SGCZ: variants seen among roughly 807,000 people sequenced by gnomAD.
The protein encoded by SGCZ is sarcoglycan zeta, also known as zeta-sarcoglycan.
Under a neutral mutation model 41.3 loss-of-function variants are expected in SGCZ, and 40 were observed. That is an observed-to-expected ratio of 0.97 (90% CI 0.75 to 1.26). The LOEUF (loss-of-function observed/expected upper bound fraction) is 1.26, where lower values mean the gene tolerates loss of function less well. Among genes scored for constraint, SGCZ ranks in the 50% most tolerant of loss-of-function variants. SGCZ has a pLI of 0.00. For missense variants in SGCZ, 552 were observed against 369.8 expected (o/e 1.49, Z -4.04); for synonymous variants, 206 against 137.5 (o/e 1.50, Z -3.49).
At chr8:14,634,271 G>T (rs1806755035) in intron 1 of SGCZ, among the ~76,000 whole-genome samples, 1 of 151,630 alleles carries the variant, frequency 6.6e-6, no homozygotes, top group Non-Finnish European at 1.5e-5. Context: ...TTGAATTGGG[G>T]GGAAAACAGC....
At chr8:14,868,368 G>C (rs1804010151) in intron 1 of SGCZ, among the ~76,000 whole-genome samples, 1 of 152,042 alleles carries the variant, frequency 6.6e-6, no homozygotes, top group South Asian at 2.1e-4. Flanking sequence ...TAAGCCACCA[G>C]TACAGCCACC....
At chr8:14,596,857 G>T (rs577092037) in intron 1 of SGCZ, among the ~76,000 whole-genome samples, 4 of 152,014 alleles carry the variant, frequency 2.6e-5, no homozygotes, top group Admixed American at 2.0e-4. Flanking sequence ...TAAAGAAACA[G>T]AATTTTTTTA....
At chr8:14,277,715 T>C (rs1341900757) in intron 3 of SGCZ, among the ~76,000 whole-genome samples, 2 of 152,132 alleles carry the variant, frequency 1.3e-5, no homozygotes, top group Non-Finnish European at 2.9e-5. Flanking sequence ...ACATAGAAGC[T>C]GCCTAACTTC....
Position 14,191,338 on chromosome 8 carries a change from T to G in SGCZ, c.425-26636A>C, listed in dbSNP as rs184042090. Among the ~76,000 whole-genome samples, 130 of 152,340 alleles carry G rather than the reference T, an allele frequency of 8.5e-4. 2 individuals carry two copies. In the East Asian group the frequency reaches 0.021, roughly 25 times the overall value. ...TTTGCTGTGTTGAAAGTTTTTAGTT[T>G]GATACAACCTCACTTATTTTTGCTT... On this transcript the variant is annotated intron_variant, in intron 4 of 7. Coordinates refer to ENST00000382080, the MANE Select transcript of SGCZ (RefSeq NM_139167.4).
At chr8:14,337,925 G>A (rs1802559019) in intron 2 of SGCZ, among the ~76,000 whole-genome samples, 1 of 152,146 alleles carries the variant, frequency 6.6e-6, no homozygotes, top group Non-Finnish European at 1.5e-5. Flanking sequence ...GAGGGGCCAG[G>A]TCAGAGGGAC....
At chr8:15,029,411 T>C (rs778742862) in intron 1 of SGCZ, among the ~76,000 whole-genome samples, 1 of 152,040 alleles carries the variant, frequency 6.6e-6, no homozygotes, top group Non-Finnish European at 1.5e-5. Context: ...CTGGATATTG[T>C]GTGTGTGCAT....
intron 1 of SGCZ, among the ~76,000 whole-genome samples, chr8:14,837,155 C>T (rs563992806): frequency 2.6e-5 from 4 of 152,104 alleles, no homozygotes; most frequent in Non-Finnish European, 4.4e-5. Context: ...AATCATGGAG[C>T]TTTCTCTCCT....
intron 2 of SGCZ, among the ~76,000 whole-genome samples, chr8:14,450,329 C>A (rs1006016109): frequency 6.6e-6 from 1 of 152,184 alleles, no homozygotes; most frequent in Non-Finnish European, 1.5e-5. Flanking sequence ...TTGCGGTATG[C>A]ATATACGTGT....
At chr8:15,025,930 C>T (rs1803441505) in intron 1 of SGCZ, among the ~76,000 whole-genome samples, 1 of 152,046 alleles carries the variant, frequency 6.6e-6, no homozygotes, top group Admixed American at 6.6e-5. Flanking sequence ...CATATATAAA[C>T]TTTACCTGTT....
At chr8:14,503,636 C>T (rs753206954) in intron 2 of SGCZ, among the ~76,000 whole-genome samples, 9 of 151,818 alleles carry the variant, frequency 5.9e-5, no homozygotes, top group South Asian at 2.1e-4. Flanking sequence ...GGCGTGGTGG[C>T]CTGTGCCTGT....
At chr8:15,072,592 T>A (rs560182012) in intron 1 of SGCZ, among the ~76,000 whole-genome samples, 2 of 152,244 alleles carry the variant, frequency 1.3e-5, no homozygotes, top group South Asian at 4.1e-4. Context: ...AGAAATTGGA[T>A]ATAGAACATT....
intron 1 of SGCZ, among the ~76,000 whole-genome samples, chr8:14,665,287 T>G (rs1703707731): frequency 2.0e-5 from 3 of 152,152 alleles, no homozygotes; most frequent in South Asian, 4.1e-4. Flanking sequence ...CTTGTGATAG[T>G]TTGCTGAGAA....
intron 1 of SGCZ, among the ~76,000 whole-genome samples, chr8:14,759,985 T>C (rs1006502470): frequency 1.3e-5 from 2 of 152,204 alleles, no homozygotes; most frequent in Non-Finnish European, 2.9e-5. Flanking sequence ...AAGGAAAACA[T>C]TTAGCTATTG....
chr8:15,082,555 G>A lies in SGCZ; in HGVS notation c.39+155030C>T, dbSNP rs145190189. Among the ~76,000 whole-genome samples, 481 of 152,134 alleles carry A rather than the reference G, an allele frequency of 3.2e-3. 4 individuals are homozygous for A. The highest frequency in any genetic ancestry group is 9.3e-3 in the African/African-American group (386 of 41,518). ...ACAAAATCCATGCAAAGGTCAGAAA[G>A]ACTGAGATCTCTTTTTTCATTCTTG... On this transcript the variant is annotated intron_variant, in intron 1 of 7. Transcript: ENST00000382080.
chr8:14,256,647 G>C (rs868572466), intron 3 of SGCZ, among the ~76,000 whole-genome samples: 4 of 152,092 alleles, frequency 2.6e-5, no homozygotes, highest in Middle Eastern at 3.2e-3. Flanking sequence ...GAAAGATGTA[G>C]TTTACCATAA....
chr8:15,139,459 T>A (rs1211730862), intron 1 of SGCZ, among the ~76,000 whole-genome samples: 1 of 152,206 alleles, frequency 6.6e-6, no homozygotes, highest in Non-Finnish European at 1.5e-5. Flanking sequence ...ATTACCTATA[T>A]TAAAAGTATC....
chr8:14,658,004 A>T (rs904966661), intron 1 of SGCZ, among the ~76,000 whole-genome samples: 8 of 152,170 alleles, frequency 5.3e-5, no homozygotes, highest in African/African-American at 1.9e-4. Flanking sequence ...AATCTAATTT[A>T]AAAAAAGGAA....
At chr8:14,350,461 G>T (rs1803047988) in intron 2 of SGCZ, among the ~76,000 whole-genome samples, 1 of 152,102 alleles carries the variant, frequency 6.6e-6, no homozygotes, top group Admixed American at 6.6e-5. Flanking sequence ...CATTTCCCAT[G>T]CTATCAGGAG....
At chr8:15,122,675 A>G (rs1212585755) in intron 1 of SGCZ, among the ~76,000 whole-genome samples, 1 of 152,200 alleles carries the variant, frequency 6.6e-6, no homozygotes, top group African/African-American at 2.4e-5. Flanking sequence ...TAATTTAACA[A>G]TGAAGGCCAA....
Sources: gnomAD v4.1 joint callset for allele counts (sites outside exome capture counted in the v4.1 genomes callset) on GRCh38, gnomAD v4.1.1 for gene constraint, MANE v1.5 for transcripts, NCBI Gene and HGNC (gene_info 2026-07-23, HGNC 2026-07-21) for gene names.